The following LRP1B variants were observed in gnomAD, a reference collection of about 807,000 sequenced individuals.
The protein encoded by LRP1B is LDL receptor related protein 1B.
A neutral mutation model predicts 556.6 loss-of-function variants in LRP1B; 217 were observed. The ratio of observed to expected loss-of-function variants is 0.39; its 90% CI spans 0.35 to 0.44. The LOEUF (loss-of-function observed/expected upper bound fraction) is 0.44. LRP1B is among the 20% of genes least tolerant of loss of function. The pLI, the probability that LRP1B is intolerant of heterozygous loss-of-function variation, is 1.00. For synonymous variants in LRP1B, 2,047 were observed against 1,865.8 expected (o/e 1.10, Z -2.50); for missense variants, 5,053 against 5,620.8 (o/e 0.90, Z 3.23).
At chr2:141,207,284 G>A (rs992782731) in intron 6 of LRP1B, among the ~76,000 whole-genome samples, 2 of 152,082 alleles carry the variant, frequency 1.3e-5, no homozygotes, top group African/African-American at 4.8e-5. Context: ...CAGACACTAT[G>A]AATATTCTAT....
At chr2:141,435,216 G>C (rs1396762730) in intron 3 of LRP1B, among the ~76,000 whole-genome samples, 1 of 152,062 alleles carries the variant, frequency 6.6e-6, no homozygotes, top group East Asian at 1.9e-4. Context: ...TTGGTCAGAG[G>C]TTGTATTTAA....
rs143056073 is a variant in LRP1B, at chr2:141,226,827, G to A, written c.850+2356C>T. Among the ~76,000 whole-genome samples the A allele has an allele frequency of 4.7e-3, 721 of 152,230 alleles. 6 individuals carry two copies. Among genetic ancestry groups the A allele is most frequent in the African/African-American group, 0.017 (692 of 41,552 alleles). ...AATGCATGGCTTACAAGCAATGACA[G>A]AGAAGCCCAGCCCTGCTCACACCCC... On this transcript the variant is annotated intron_variant, in intron 6 of 90. Coordinates refer to ENST00000389484, the MANE Select transcript of LRP1B (RefSeq NM_018557.3).
chr2:141,373,883 G>A (rs1310913780), intron 3 of LRP1B, among the ~76,000 whole-genome samples: 1 of 151,828 alleles, frequency 6.6e-6, no homozygotes, highest in East Asian at 1.9e-4. Context: ...ATGATTTGAT[G>A]AGATTCTGTC....
chr2:141,407,550 AGT>A (rs2104936633), intron 3 of LRP1B, among the ~76,000 whole-genome samples: 1 of 152,218 alleles, frequency 6.6e-6, no homozygotes, highest in South Asian at 2.1e-4. Context: ...CTTGGTGGTA[AGT>A]GAGCACTCTC....
At chr2:140,611,541 A>ATCT (rs1470602381) in intron 41 of LRP1B, among the ~76,000 whole-genome samples, 2 of 152,120 alleles carry the variant, frequency 1.3e-5, no homozygotes, top group Non-Finnish European at 2.9e-5. Flanking sequence ...GATGGTAGGG[A>ATCT]TCGTAGAAAG....
chr2:141,217,029 G>A lies in LRP1B; in HGVS notation c.850+12154C>T, dbSNP rs531934019. ...GGGGGATTGTTGGGAAGGCATAATCGTATTTTGCAATGTGAGAAGAACGTG... is the reference window on the plus strand; with the variant it reads ...GGGGGATTGTTGGGAAGGCATAATCATATTTTGCAATGTGAGAAGAACGTG... On this transcript the variant is annotated intron_variant, in intron 6 of 90. Transcript: ENST00000389484. Among the ~76,000 whole-genome samples, 255 of 152,290 alleles carry A rather than the reference G, an allele frequency of 1.7e-3. 1 individual carries two copies. The highest frequency in any genetic ancestry group is 2.9e-3 in the Admixed American group (44 of 15,296).
intron 27 of LRP1B, among the ~76,000 whole-genome samples, chr2:140,861,998 A>G (rs1692812235): frequency 6.6e-6 from 1 of 152,242 alleles, no homozygotes; most frequent in East Asian, 1.9e-4. Context: ...CCAAGGCTCT[A>G]TCATTGCCCT....
At chr2:141,502,850 C>T (rs796545326) in intron 2 of LRP1B, among the ~76,000 whole-genome samples, 1 of 102,402 alleles carries the variant, frequency 9.8e-6, no homozygotes. Flanking sequence ...AGAGGGAGAC[C>T]CCGTCTCAAA....
intron 1 of LRP1B, among the ~76,000 whole-genome samples, chr2:141,939,205 C>T (rs528529520): frequency 6.6e-6 from 1 of 151,992 alleles, no homozygotes; most frequent in African/African-American, 2.4e-5. Context: ...GTAATAATTT[C>T]ACTATGTATA....
intron 2 of LRP1B, among the ~76,000 whole-genome samples, chr2:141,742,117 T>C (rs184017309): frequency 6.6e-6 from 1 of 152,280 alleles, no homozygotes; most frequent in Non-Finnish European, 1.5e-5. Context: ...TCTGGATTTA[T>C]TTATGTTTTC....
intron 1 of LRP1B, among the ~76,000 whole-genome samples, chr2:141,816,476 C>G (rs1696552149): frequency 6.6e-6 from 1 of 152,122 alleles, no homozygotes; most frequent in Admixed American, 6.6e-5. Flanking sequence ...AGCTTTTGGG[C>G]TTTTGGACTT....
intron 1 of LRP1B, among the ~76,000 whole-genome samples, chr2:142,110,866 C>A (rs975590931): frequency 6.6e-6 from 1 of 152,070 alleles, no homozygotes; most frequent in Non-Finnish European, 1.5e-5. Context: ...CCTGCAATTC[C>A]CTCTGCTTAG....
chr2:141,588,047 T>A (rs1373398296), intron 2 of LRP1B, among the ~76,000 whole-genome samples: 2 of 152,240 alleles, frequency 1.3e-5, no homozygotes, highest in African/African-American at 4.8e-5. Flanking sequence ...TTTCTCAAGT[T>A]GGGCTTATCT....
At chr2:141,236,676 T>C (rs556067305) in intron 5 of LRP1B, among the ~76,000 whole-genome samples, 2 of 152,300 alleles carry the variant, frequency 1.3e-5, no homozygotes, top group Admixed American at 6.5e-5. Flanking sequence ...CATGTGTACG[T>C]TGAGGTAAAA....
At chr2:141,172,996 G>A (rs1680573408) in intron 7 of LRP1B, among the ~76,000 whole-genome samples, 1 of 151,014 alleles carries the variant, frequency 6.6e-6, no homozygotes, top group African/African-American at 2.4e-5. Context: ...GATTCCTAAA[G>A]TATTATTCCC....
intron 1 of LRP1B, among the ~76,000 whole-genome samples, chr2:141,826,448 C>T (rs1187254549): frequency 1.3e-5 from 2 of 150,220 alleles, no homozygotes; most frequent in African/African-American, 4.9e-5. Flanking sequence ...CAAGCTCCGC[C>T]TCCTGGGTTC....
rs70991144 is a variant in LRP1B, at chr2:141,145,922, CTTTTT to C, written c.1013+42494_1013+42498del. ...ACGTTTTTCTTTTCTTTCTTTCTTT[CTTTTT>C]TTTTTTTTTTTTTTTGAGATGGAGT... On this transcript the variant is annotated intron_variant, in intron 7 of 90. Coordinates refer to ENST00000389484, the MANE Select transcript of LRP1B (RefSeq NM_018557.3). Among the ~76,000 whole-genome samples, 34 of 67,218 alleles carry C rather than the reference CTTTTT, an allele frequency of 5.1e-4. No homozygotes were observed. The East Asian group carries it at 9.3e-3, about 18-fold the overall frequency. The allele number at this position is 67,218 out of a possible 152,430, so 44.1% of individuals were successfully genotyped here. A position where few individuals can be genotyped will look rare whatever the true frequency, so the allele number is the denominator to read the frequency against.
At chr2:141,643,314 C>A (rs184695077) in intron 2 of LRP1B, among the ~76,000 whole-genome samples, 1 of 151,972 alleles carries the variant, frequency 6.6e-6, no homozygotes, top group Non-Finnish European at 1.5e-5. Flanking sequence ...AATTGTATTT[C>A]GCCAGGATGT....
chr2:140,700,549 G>C lies in LRP1B; in HGVS notation c.6500C>G (p.Thr2167Ser), dbSNP rs1686596566. 6.2e-7 allele frequency: 1 copy of C among 1,613,576 alleles called. No individual in the cohort carries two copies. Reference sequence around the variant, plus strand: ...CAAATATCCATGGGCACAAGCACAAGTTCTCCGGGAATTTCCTCGATAAAG... The same window carrying C: ...CAAATATCCATGGGCACAAGCACAACTTCTCCGGGAATTTCCTCGATAAAG... Reference protein sequence around the residue: ...LCLYRGNSRRTCACAHGYLAE... With the variant: ...LCLYRGNSRRSCACAHGYLAE... Residue 2167 changes from threonine (T) to serine (S), a missense_variant, in exon 41 of 91, where the codon ACT (threonine) becomes AGT (serine). Thr to Ser is a moderately conservative substitution (Grantham distance 58). Transcript: ENST00000389484.
Sources: allele counts gnomAD v4.1 joint callset (sites outside exome capture counted in the v4.1 genomes callset), GRCh38; gene constraint gnomAD v4.1.1; transcripts MANE v1.5; gene names NCBI Gene and HGNC (gene_info 2026-07-23, HGNC 2026-07-21).